UBOX5: variants seen among roughly 807,000 people sequenced by gnomAD.
The protein encoded by UBOX5 is U-box domain containing 5, also known as RING finger protein 37.
In UBOX5, 28 loss-of-function variants were observed where a neutral mutation model predicts 39.0. The observed-to-expected ratio is 0.72, with a 90% CI of 0.53 to 0.98. UBOX5 has a LOEUF of 0.98. Ranked by LOEUF, UBOX5 falls within the 50% of genes least tolerant of loss-of-function variation. UBOX5 has a pLI of 0.00. For missense variants in UBOX5, 585 were observed against 674.4 expected (o/e 0.87, Z 1.47); for synonymous variants, 283 against 275.5 (o/e 1.03, Z -0.27).
intron 1 of UBOX5, among the ~76,000 whole-genome samples, chr20:3,130,361 G>T (rs1215641578): frequency 1.4e-5 from 2 of 141,348 alleles, no homozygotes; most frequent in Non-Finnish European, 3.0e-5. Context: ...TAAAGACAGG[G>T]TCTCACTATG....
intron 1 of UBOX5, among the ~76,000 whole-genome samples, chr20:3,123,774 G>A (rs1406383734): frequency 6.6e-6 from 1 of 152,150 alleles, no homozygotes; most frequent in Non-Finnish European, 1.5e-5. Context: ...AATGGAAAGG[G>A]TCATAAAAAA....
intron 1 of UBOX5, among the ~76,000 whole-genome samples, chr20:3,123,685 C>A (rs2066355499): frequency 6.6e-6 from 1 of 152,146 alleles, no homozygotes; most frequent in Non-Finnish European, 1.5e-5. Context: ...GGAGGCAAGG[C>A]CCATCAGCTG....
chr20:3,108,450 G>A lies in UBOX5; in HGVS notation c.*1656C>T, dbSNP rs1177315533. On this transcript the variant is annotated 3_prime_UTR_variant, in exon 5 of 5. Coordinates refer to ENST00000217173, the MANE Select transcript of UBOX5 (RefSeq NM_014948.4). The stretch of plus-strand genomic sequence containing the variant: ...AGAACACAAGCACACCGGAGGGTAA[G>A]ACAAGATTCTGGAGAGGCACAGACC... The A allele has an allele frequency of 6.6e-6, 1 of 152,350 alleles. No homozygotes were observed. The highest frequency in any genetic ancestry group is 1.5e-5 in the Non-Finnish European group (1 of 68,120). The allele number at this position is 152,350 out of a possible 1,614,324, so 9.4% of individuals were successfully genotyped here.
chr20:3,145,896 A>C (rs1433329460), intron 1 of UBOX5, among the ~76,000 whole-genome samples: 1 of 152,104 alleles, frequency 6.6e-6, no homozygotes, highest in Non-Finnish European at 1.5e-5. Flanking sequence ...AAATGCAAAA[A>C]TTAGCTGGGC....
chr20:3,133,306 A>G (rs541908926), intron 1 of UBOX5, among the ~76,000 whole-genome samples: 10 of 152,328 alleles, frequency 6.6e-5, no homozygotes, highest in Admixed American at 5.9e-4. Flanking sequence ...AAATGCAAAC[A>G]GCCTAGCCCA....
At chr20:3,143,501 G>C (rs1464550796) in intron 1 of UBOX5, among the ~76,000 whole-genome samples, 2 of 151,360 alleles carry the variant, frequency 1.3e-5, no homozygotes, top group African/African-American at 4.8e-5. Flanking sequence ...AAATAATTAG[G>C]AATAAAGTTA....
intron 4 of UBOX5, among the ~76,000 whole-genome samples, chr20:3,113,799 G>A (rs941030921): frequency 6.6e-6 from 1 of 152,180 alleles, no homozygotes; most frequent in African/African-American, 2.4e-5. Context: ...AAGCTCTGGA[G>A]GGCAGATGTG....
intron 1 of UBOX5, chr20:3,146,658 AG>A: frequency 8.3e-7 from 1 of 1,201,378 alleles, no homozygotes; most frequent in East Asian, 2.3e-5. Flanking sequence ...GATACAATTA[AG>A]TCTCCTCAAC....
At chr20:3,137,079 G>C (rs1368916873) in intron 1 of UBOX5, among the ~76,000 whole-genome samples, 1 of 151,958 alleles carries the variant, frequency 6.6e-6, no homozygotes, top group African/African-American at 2.4e-5. Flanking sequence ...TCCCAAGTAG[G>C]TAGGACTACA....
At chr20:3,127,412 C>T (rs138183721) in intron 1 of UBOX5, among the ~76,000 whole-genome samples, 24 of 152,334 alleles carry the variant, frequency 1.6e-4, no homozygotes, top group African/African-American at 5.5e-4. Context: ...TCTATTATCT[C>T]AGCTTAGCCC....
intron 1 of UBOX5, among the ~76,000 whole-genome samples, chr20:3,145,160 CTTT>C (rs879764164): frequency 7.0e-6 from 1 of 143,670 alleles, no homozygotes; most frequent in African/African-American, 2.5e-5. Context: ...CTTTGAGAGC[CTTT>C]TTTTTTTTTG....
chr20:3,121,096 G>A (rs1266610273), intron 3 of UBOX5, among the ~76,000 whole-genome samples: 1 of 152,190 alleles, frequency 6.6e-6, no homozygotes, highest in Admixed American at 6.5e-5. Flanking sequence ...CCCCAAGGAA[G>A]GCAACAGTGC....
At chr20:3,150,518 T>G (rs1450791633) in intron 1 of UBOX5, 1 of 152,230 alleles carries the variant, frequency 6.6e-6, no homozygotes, top group African/African-American at 2.4e-5. Flanking sequence ...TAATGCTTAT[T>G]CTTTTTCTTT....
chr20:3,123,548 A>G, intron 1 of UBOX5, 142 bp from the exon 2 acceptor site: 1 of 609,278 alleles, frequency 1.6e-6, no homozygotes, highest in Admixed American at 2.9e-5. Flanking sequence ...GACTTTCCTT[A>G]TATCCTATAC....
At chr20:3,128,388 G>T (rs902473913) in intron 1 of UBOX5, among the ~76,000 whole-genome samples, 2 of 152,194 alleles carry the variant, frequency 1.3e-5, no homozygotes, top group Non-Finnish European at 2.9e-5. Context: ...GCAAGCCTAG[G>T]ATGCCAAAGG....
At chr20:3,151,255 T>C (rs2066621282) in intron 1 of UBOX5, among the ~76,000 whole-genome samples, 1 of 152,174 alleles carries the variant, frequency 6.6e-6, no homozygotes, top group Non-Finnish European at 1.5e-5. Flanking sequence ...AGATCAAGGG[T>C]GAGCAGACTA....
chr20:3,110,589 TTCC>T, intron 4 of UBOX5: 1 of 473,628 alleles, frequency 2.1e-6, no homozygotes, highest in Non-Finnish European at 3.9e-6. Flanking sequence ...GACTGGGCCC[TTCC>T]TCCTGGTCTC....
At chr20:3,128,286 G>A (rs975554116) in intron 1 of UBOX5, among the ~76,000 whole-genome samples, 2 of 152,120 alleles carry the variant, frequency 1.3e-5, no homozygotes, top group African/African-American at 4.8e-5. Context: ...TGTTTTAAAT[G>A]TAAAATTAAG....
intron 1 of UBOX5, among the ~76,000 whole-genome samples, chr20:3,131,876 C>T (rs904505027): frequency 5.3e-5 from 8 of 151,842 alleles, no homozygotes; most frequent in East Asian, 3.9e-4. Context: ...GGCAAGGTGG[C>T]GGGCACCTGT....
Sources: gnomAD v4.1 joint callset for allele counts (sites outside exome capture counted in the v4.1 genomes callset) on GRCh38, gnomAD v4.1.1 for gene constraint, MANE v1.5 for transcripts, NCBI Gene and HGNC (gene_info 2026-07-23, HGNC 2026-07-21) for gene names.